Variants in ZNF85 observed in about 807,000 individuals in gnomAD.
ZNF85 encodes zinc finger protein 85.
In ZNF85, 50 loss-of-function variants were observed where a neutral mutation model predicts 53.9. The observed-to-expected ratio is 0.93, with a 90% CI of 0.74 to 1.17. ZNF85 has a LOEUF of 1.17. Ranked by LOEUF, ZNF85 falls within the 50% of genes most tolerant of loss-of-function variation. The pLI, the probability that ZNF85 is intolerant of heterozygous loss-of-function variation, is 0.00. For synonymous variants in ZNF85, 225 were observed against 226.1 expected (o/e 1.00, Z 0.04); for missense variants, 747 against 688.5 (o/e 1.08, Z -0.95).
intron 1 of ZNF85, among the ~76,000 whole-genome samples, chr19:20,923,698 G>C (rs1195200354): frequency 8.2e-6 from 1 of 122,212 alleles, no homozygotes; most frequent in South Asian, 2.7e-4. Flanking sequence ...GACCACGGGA[G>C]GGTTGTCAGG....
At chr19:20,925,652 G>A (rs757322946) in intron 1 of ZNF85, among the ~76,000 whole-genome samples, 1 of 152,134 alleles carries the variant, frequency 6.6e-6, no homozygotes, top group African/African-American at 2.4e-5. Context: ...ATGCACTTGG[G>A]GCAGTCACTG....
chr19:20,932,327 C>T (rs1383353326), intron 1 of ZNF85, among the ~76,000 whole-genome samples: 3 of 152,148 alleles, frequency 2.0e-5, no homozygotes, highest in African/African-American at 7.2e-5. Flanking sequence ...TATTACCCCT[C>T]CCTAAAGAGT....
At chr19:20,923,930 C>CA (rs1399931117) in intron 1 of ZNF85, among the ~76,000 whole-genome samples, 1 of 151,806 alleles carries the variant, frequency 6.6e-6, no homozygotes, top group African/African-American at 2.4e-5. Flanking sequence ...TTTAAAAATA[C>CA]AAAAATTAGC....
In ZNF85 at chr19:20,923,289, T is replaced by C. The variant is rs1972797919; in HGVS notation, c.-112T>C. 1.9e-6 allele frequency: 3 copies of C among 1,557,316 alleles called. No individual in the cohort carries two copies. The highest frequency in any genetic ancestry group is 3.4e-5 in the Admixed American group (2 of 58,772). On this transcript the variant is annotated 5_prime_UTR_variant, in exon 1 of 4. Transcript: ENST00000328178. ...GCTGCAGCCTGAGCTCTAGGTCTTG[T>C]TTTCCCTGCTTTGTGTTTTCTGCTC... is the stretch of plus-strand genomic sequence containing the variant.
chr19:20,948,529 C>A (rs1228262472), intron 3 of ZNF85, among the ~76,000 whole-genome samples: 1 of 152,042 alleles, frequency 6.6e-6, no homozygotes, highest in East Asian at 1.9e-4. Flanking sequence ...ACCTGGGGCA[C>A]TGCACACACT....
At chr19:20,937,267 T>C in intron 3 of ZNF85, 1 of 451,758 alleles carries the variant, frequency 2.2e-6, no homozygotes, top group Non-Finnish European at 4.4e-6. Flanking sequence ...CCTGACCTCG[T>C]GATCCACCCA....
rs113969716 is a variant in ZNF85, at chr19:20,948,624, A to G, written c.230-120A>G. On this transcript the variant is annotated intron_variant, in intron 3 of 3. Coordinates refer to ENST00000328178, the MANE Select transcript of ZNF85 (RefSeq NM_003429.5). ...AATGTCTATGAAGGATTTAGGGCCT[A>G]TGGTATTTTGCTGTGCCATCTTACT... 897 of 703,900 alleles carry G rather than the reference A, an allele frequency of 1.3e-3. 4 individuals carry two copies. In the African/African-American group the frequency reaches 0.015, roughly 11 times the overall value. 43.6% of individuals were successfully genotyped at this position (703,900 alleles called of 1,614,324 possible).
chr19:20,929,738 C>A (rs75106825), intron 1 of ZNF85, among the ~76,000 whole-genome samples: 4,657 of 136,290 alleles, frequency 0.034, 92 homozygotes, highest in Non-Finnish European at 0.05. Context: ...TCTCCCTGCC[C>A]CAGTTCTGTT....
At chr19:20,923,570 C>A (rs1349271789) in intron 1 of ZNF85, among the ~76,000 whole-genome samples, 167 bp downstream of exon 1, 2 of 152,174 alleles carry the variant, frequency 1.3e-5, no homozygotes, top group Non-Finnish European at 2.9e-5. Flanking sequence ...ATGGCGGCTG[C>A]GCTGACAGCC....
intron 3 of ZNF85, among the ~76,000 whole-genome samples, chr19:20,939,132 C>A (rs1013513847): frequency 6.6e-6 from 1 of 152,132 alleles, no homozygotes; most frequent in Non-Finnish European, 1.5e-5. Context: ...CATGAGTACA[C>A]TGTCAAATAT....
At chr19:20,935,702 C>T (rs1772008456) in intron 3 of ZNF85, among the ~76,000 whole-genome samples, 1 of 151,052 alleles carries the variant, frequency 6.6e-6, no homozygotes, top group African/African-American at 2.4e-5. Context: ...GGCTGGAGTG[C>T]AATGGTGTGA....
chr19:20,923,795 T>TG (rs1197188849), intron 1 of ZNF85, among the ~76,000 whole-genome samples: 2 of 152,012 alleles, frequency 1.3e-5, no homozygotes, highest in Non-Finnish European at 2.9e-5. Flanking sequence ...TAAAAATGTA[T>TG]GGGGGGACGG....
rs1464365378 is a variant in ZNF85 at position 20,948,775 on chromosome 19, G to GC, written c.263dup (p.Glu89GlyfsTer20). The GC allele has an allele frequency of 6.3e-7, 1 of 1,588,304 alleles. No homozygotes were observed. Among genetic ancestry groups the GC allele is most frequent in the Admixed American group, 1.8e-5 (1 of 56,106 alleles). On this transcript the variant is annotated frameshift_variant, in exon 4 of 4. Coordinates refer to ENST00000328178, the MANE Select transcript of ZNF85 (RefSeq NM_003429.5). LOFTEE classifies it high-confidence loss of function. ...GTTCTCATTTTGCCCAAGACCTTTG[G>GC]CCGGAGCAGAATATAAAAGATTCTT...
chr19:20,945,367 CTCTG>C (rs1402960108), intron 3 of ZNF85: 1 of 152,210 alleles, frequency 6.6e-6, no homozygotes, highest in East Asian at 1.9e-4. Context: ...CCTATACAAT[CTCTG>C]TCTTTCTGTG....
At chr19:20,925,861 T>C (rs1430692326) in intron 1 of ZNF85, among the ~76,000 whole-genome samples, 1 of 152,252 alleles carries the variant, frequency 6.6e-6, no homozygotes, top group Admixed American at 6.5e-5. Flanking sequence ...CAGCTTCTTT[T>C]AATTGTAAAT....
chr19:20,933,058 TG>T (rs1973063117), intron 1 of ZNF85, among the ~76,000 whole-genome samples: 1 of 151,000 alleles, frequency 6.6e-6, no homozygotes, highest in South Asian at 2.1e-4. Context: ...CCGGGCATGG[TG>T]GTGGGCACCT....
chr19:20,942,985 A>G (rs973386923), intron 3 of ZNF85: 2 of 512,976 alleles, frequency 3.9e-6, no homozygotes, highest in African/African-American at 4.0e-5. Flanking sequence ...TTTGTTGCCC[A>G]GTCTAGTCTC....
intron 3 of ZNF85, among the ~76,000 whole-genome samples, chr19:20,947,569 A>C (rs1973454098): frequency 7.0e-6 from 1 of 142,648 alleles, no homozygotes; most frequent in African/African-American, 2.6e-5. Flanking sequence ...CGCTTGCAAA[A>C]TTTTCATGAC....
intron 3 of ZNF85, among the ~76,000 whole-genome samples, chr19:20,940,639 C>T (rs967491961): frequency 2.0e-5 from 3 of 152,086 alleles, no homozygotes; most frequent in African/African-American, 7.2e-5. Context: ...AACTCAATAC[C>T]CATTAAGTAA....
Sources: gnomAD v4.1 joint callset for allele counts (sites outside exome capture counted in the v4.1 genomes callset) on GRCh38, gnomAD v4.1.1 for gene constraint, MANE v1.5 for transcripts, NCBI Gene and HGNC (gene_info 2026-07-23, HGNC 2026-07-21) for gene names.